Variants in MPHOSPH10 observed in about 807,000 individuals in gnomAD.
MPHOSPH10 encodes the protein U3 small nucleolar ribonucleoprotein MPP10.
MPHOSPH10 carries 33 observed loss-of-function variants against 77.3 expected under a neutral mutation model. The observed-to-expected ratio is 0.43, with a 90% confidence interval of 0.32 to 0.57. The LOEUF (loss-of-function observed/expected upper bound fraction) is 0.57. Among genes scored for constraint, MPHOSPH10 ranks in the 20% least tolerant of loss-of-function variants. The pLI, the probability that MPHOSPH10 is intolerant of heterozygous loss-of-function variation, is 0.07. For missense variants in MPHOSPH10, 708 were observed against 780.1 expected (o/e 0.91, Z 1.10); for synonymous variants, 245 against 268.0 (o/e 0.91, Z 0.84).
chr2:71,146,399 G>A (rs1673709111), intron 8 of MPHOSPH10, among the ~76,000 whole-genome samples: 1 of 135,574 alleles, frequency 7.4e-6, no homozygotes, highest in Admixed American at 8.4e-5. Context: ...GCAGTGGCAT[G>A]ATCTTGGCTC....
intron 4 of MPHOSPH10, 101 bp downstream of exon 4, chr2:71,134,898 G>A: frequency 1.1e-6 from 1 of 949,470 alleles, no homozygotes; most frequent in Non-Finnish European, 1.6e-6. Context: ...CAGGTGCAGT[G>A]GCTCACGCCT....
Position 71,138,567 on chromosome 2 carries a change from A to C in MPHOSPH10, c.1176A>C (p.Ala392=), listed in dbSNP as rs944811517. The change falls in exon 5 of 11, where the codon GCA becomes GCC. Residue 392 remains alanine, a synonymous_variant. Transcript: ENST00000244230. Reference sequence around the variant, plus strand: ...GGCAGCTTCAGGGGGAAGTGACAGCACAGAAGAGGCCAGAGAACAGCCTCC... The same window carrying C: ...GGCAGCTTCAGGGGGAAGTGACAGCCCAGAAGAGGCCAGAGAACAGCCTCC... ...KPWQLQGEVT[A]QKRPENSLLE... is the part of the protein sequence containing the mutation. 6.2e-7 allele frequency: 1 copy of C among 1,614,200 alleles called. No individual in the cohort carries two copies. The highest frequency in any genetic ancestry group is 8.5e-7 in the Non-Finnish European group (1 of 1,180,018).
intron 4 of MPHOSPH10, among the ~76,000 whole-genome samples, chr2:71,136,125 A>G (rs1449418397): frequency 2.0e-5 from 3 of 152,206 alleles, no homozygotes; most frequent in Admixed American, 2.0e-4. Context: ...TCTTTGTGTC[A>G]TGATTTCAGA....
chr2:71,133,991 A>G lies in MPHOSPH10; in HGVS notation c.812A>G (p.Asp271Gly), dbSNP rs1285058972. The change falls in exon 3 of 11, where the codon GAT becomes GGT. Residue 271 changes from aspartate to glycine, a missense_variant. By Grantham distance (94) the Asp-to-Gly change is moderately conservative. Around this residue, in one of 3 missense-constraint regions of MPHOSPH10, gnomAD observed 433 missense variants for 432.6 expected, o/e 1.00. Coordinates refer to ENST00000244230, the MANE Select transcript of MPHOSPH10 (RefSeq NM_005791.3). Reference sequence around the variant, plus strand: ...AATCTGAAATACAAAGATTTTTTTGATCCAGTTGAAAGTGATGAAGACATA... The same window carrying G: ...AATCTGAAATACAAAGATTTTTTTGGTCCAGTTGAAAGTGATGAAGACATA... ...SRNLKYKDFFDPVESDEDITN... is the reference protein window; with the variant it reads ...SRNLKYKDFFGPVESDEDITN... The G allele has an allele frequency of 1.1e-5, 18 of 1,590,948 alleles. No homozygotes were observed. The highest frequency in any genetic ancestry group is 2.3e-5 in the East Asian group (1 of 44,404).
chr2:71,148,359 A>T, intron 9 of MPHOSPH10: 1 of 353,020 alleles, frequency 2.8e-6, no homozygotes, highest in Admixed American at 4.0e-5. Flanking sequence ...TCAATATCTT[A>T]TTATAATCCA....
chr2:71,136,924 A>ACACC (rs1673505219), intron 4 of MPHOSPH10, among the ~76,000 whole-genome samples: 1 of 129,668 alleles, frequency 7.7e-6, no homozygotes, highest in African/African-American at 3.0e-5. Context: ...ACACACACAC[A>ACACC]CACACACACA....
At position 71,143,019 on chromosome 2, in the gene MPHOSPH10, A is replaced by G. The variant is rs144792829; in HGVS notation, c.1447-1409A>G. Among the ~76,000 whole-genome samples the G allele has an allele frequency of 1.9e-3, 289 of 152,304 alleles. 2 individuals are homozygous for G. Among genetic ancestry groups the G allele is most frequent in the African/African-American group, 6.4e-3 (265 of 41,572 alleles). On this transcript the variant is annotated intron_variant, in intron 7 of 10. Transcript: ENST00000244230. ...ATTAAAATTGCTGTCAGTTTTTTCA[A>G]TGTGATTTGTGAGAATAAATCTTTA...
At chr2:71,138,389 T>G in intron 4 of MPHOSPH10, 101 bp from the exon 5 acceptor site, 1 of 930,464 alleles carries the variant, frequency 1.1e-6, no homozygotes, top group African/African-American at 1.7e-5. Context: ...CGTAGAACAG[T>G]ACGTTTCTTG....
chr2:71,130,634 A>C lies in MPHOSPH10; in HGVS notation c.-32A>C, dbSNP rs10189836. ...TTTCCGGGCGGCTCCCTTCCCTTGCATGCTGCATTGTGTCGGGAGTTGCTG... is the reference window on the plus strand; with the variant it reads ...TTTCCGGGCGGCTCCCTTCCCTTGCCTGCTGCATTGTGTCGGGAGTTGCTG... On this transcript the variant is annotated 5_prime_UTR_variant, in exon 1 of 11. An upstream start codon of the reference 5' UTR is lost. Coordinates refer to ENST00000244230, the MANE Select transcript of MPHOSPH10 (RefSeq NM_005791.3). The C allele has an allele frequency of 1.3e-6, 2 of 1,587,994 alleles. No homozygotes were observed. The highest frequency in any genetic ancestry group is 1.7e-5 in the Admixed American group (1 of 57,192).
chr2:71,142,541 AG>A (rs1673632171), intron 7 of MPHOSPH10, among the ~76,000 whole-genome samples: 1 of 152,260 alleles, frequency 6.6e-6, no homozygotes. Context: ...TCTAGTAGCT[AG>A]GCTAGTTCTA....
At chr2:71,131,020 C>G (rs1241877708) in intron 1 of MPHOSPH10, among the ~76,000 whole-genome samples, 1 of 151,826 alleles carries the variant, frequency 6.6e-6, no homozygotes, top group East Asian at 1.9e-4. Flanking sequence ...GCTTCTTACG[C>G]CCCCATCCCT....
At chr2:71,132,083 C>G (rs1167298053) in intron 1 of MPHOSPH10, among the ~76,000 whole-genome samples, 3 of 152,148 alleles carry the variant, frequency 2.0e-5, no homozygotes, top group African/African-American at 7.2e-5. Flanking sequence ...TATTCTATAT[C>G]TAATTCTTTA....
At chr2:71,140,644 A>G (rs190824140) in intron 6 of MPHOSPH10, among the ~76,000 whole-genome samples, 2 of 152,272 alleles carry the variant, frequency 1.3e-5, no homozygotes, top group East Asian at 3.9e-4. Context: ...ATTTTTTTCA[A>G]ATGTTAAAAA....
At position 71,149,284 on chromosome 2, in the gene MPHOSPH10, G is replaced by A. The variant is rs777948317; in HGVS notation, c.1727G>A (p.Arg576Gln). 2.5e-6 allele frequency: 4 copies of A among 1,604,176 alleles called. No individual in the cohort carries two copies. Among genetic ancestry groups the A allele is most frequent in the South Asian group, 1.1e-5 (1 of 89,332 alleles). The change falls in exon 10 of 11, where the codon CGA (arginine) becomes CAA (glutamine). Residue 576 changes from arginine to glutamine, a missense_variant. Physicochemically the swap from Arg to Gln is conservative, Grantham distance 43 (BLOSUM62 1). Transcript: ENST00000244230. ...GAAAAAACAGCTACAGACAAGAAAC[G>A]AGAGCGAAGGAAAAAGAAATATCAA... ...AAEKTATDKK[R>Q]ERRKKKYQKR...
rs771691850 is a variant in MPHOSPH10, at chr2:71,149,970, AAAG to A, written c.2007_2009del (p.Lys670del). 1.2e-5 allele frequency: 18 copies of A among 1,482,882 alleles called. No homozygotes were observed. The African/African-American group carries it at 1.6e-4, about 13-fold the overall frequency. The allele number at this position is 1,482,882 out of a possible 1,614,324, so 91.9% of individuals were successfully genotyped here. A position where few individuals can be genotyped will look rare whatever the true frequency, so the allele number is the denominator to read the frequency against. On this transcript the variant is annotated inframe_deletion, in exon 11 of 11. Transcript: ENST00000244230. Reference sequence around the variant, plus strand: ...ATGATGCAAAGAAAACAGAAAAGAAAAAGAAGAAAAGACAGGATATTTCTGTTC... The same window carrying A: ...ATGATGCAAAGAAAACAGAAAAGAAAAAGAAAAGACAGGATATTTCTGTTC...
chr2:71,149,857 TA>T lies in MPHOSPH10; in HGVS notation c.1897-7del. On this transcript the variant is annotated splice_region_variant and splice_polypyrimidine_tract_variant and intron_variant, in intron 10 of 10. Transcript: ENST00000244230. Reference sequence around the variant, plus strand: ...TTACAGCATAAGCATGTGGTGTTTTTAATTGCAGGATGAAGGTAAAGACAAG... The same window carrying T: ...TTACAGCATAAGCATGTGGTGTTTTTATTGCAGGATGAAGGTAAAGACAAG... 2.0e-6 allele frequency: 3 copies of T among 1,525,172 alleles called. No homozygotes were observed. The South Asian group carries it at 4.0e-5, about 20-fold the overall frequency. 94.5% of individuals were successfully genotyped at this position (1,525,172 alleles called of 1,614,324 possible).
chr2:71,139,652 G>A, intron 5 of MPHOSPH10, 143 bp from the exon 6 acceptor site: 1 of 598,258 alleles, frequency 1.7e-6, no homozygotes. Context: ...CCCACTTTCT[G>A]ATTCAGGAAG....
chr2:71,148,260 A>G, intron 9 of MPHOSPH10, 154 bp downstream of exon 9: 1 of 605,918 alleles, frequency 1.7e-6, no homozygotes, highest in Non-Finnish European at 2.9e-6. Flanking sequence ...TAATGTTATA[A>G]TATTCAAATA....
intron 4 of MPHOSPH10, among the ~76,000 whole-genome samples, chr2:71,136,639 G>A (rs1022983770): frequency 4.6e-4 from 70 of 152,092 alleles, no homozygotes; most frequent in African/African-American, 1.6e-3. Flanking sequence ...CCAGAAGATA[G>A]AGAAATTCTA....
Sources: gnomAD v4.1 joint callset for allele counts (sites outside exome capture counted in the v4.1 genomes callset) on GRCh38, gnomAD v4.1.1 for gene constraint, gnomAD v4.1.1 regional missense constraint, MANE v1.5 for transcripts, NCBI Gene and HGNC (gene_info 2026-07-23, HGNC 2026-07-21) for gene names.